The following NCAM2 variants were observed in gnomAD, a reference collection of about 807,000 sequenced individuals.
NCAM2 encodes neural cell adhesion molecule 2.
In NCAM2, 30 loss-of-function variants were observed where a neutral mutation model predicts 98.1. The observed-to-expected ratio is 0.31, with a 90% CI of 0.23 to 0.41. NCAM2 has a LOEUF of 0.41. Ranked by LOEUF, NCAM2 falls within the 10% of genes least tolerant of loss-of-function variation. The pLI, the probability that NCAM2 is intolerant of heterozygous loss-of-function variation, is 1.00. For missense variants in NCAM2, 867 were observed against 1,005.8 expected (o/e 0.86, Z 1.87); for synonymous variants, 368 against 342.4 (o/e 1.07, Z -0.83).
At chr21:21,000,465 G>A (rs1222427928) in intron 1 of NCAM2, among the ~76,000 whole-genome samples, 1 of 152,108 alleles carries the variant, frequency 6.6e-6, no homozygotes, top group Admixed American at 6.5e-5. Context: ...AGATATATAG[G>A]TTTAAATAGT....
intron 1 of NCAM2, among the ~76,000 whole-genome samples, chr21:21,195,801 TGTTA>T (rs1273813134): frequency 3.9e-5 from 6 of 152,166 alleles, no homozygotes; most frequent in African/African-American, 1.4e-4. Flanking sequence ...AAAAATGAAA[TGTTA>T]GTCAGACTCT....
chr21:21,366,962 A>G lies in NCAM2; in HGVS notation c.1045-6901A>G, dbSNP rs146004970. On this transcript the variant is annotated intron_variant, in intron 8 of 17. Coordinates refer to ENST00000400546, the MANE Select transcript of NCAM2 (RefSeq NM_004540.5). Reference sequence around the variant, plus strand: ...TCAAAACCTTGAAACAATGCAGTCAATACTTACTAATGACTAGTTGTATGA... The same window carrying G: ...TCAAAACCTTGAAACAATGCAGTCAGTACTTACTAATGACTAGTTGTATGA... Among the ~76,000 whole-genome samples the G allele has an allele frequency of 7.4e-3, 1,130 of 152,174 alleles. 32 individuals carry two copies. The highest frequency in any genetic ancestry group is 0.056 in the Admixed American group (851 of 15,224).
intron 1 of NCAM2, among the ~76,000 whole-genome samples, chr21:21,060,967 C>T (rs1367704189): frequency 6.6e-6 from 1 of 151,964 alleles, no homozygotes; most frequent in East Asian, 1.9e-4. Context: ...AAAGGTGGGC[C>T]TAAAATGAAG....
At chr21:21,200,962 A>G (rs1182339468) in intron 1 of NCAM2, among the ~76,000 whole-genome samples, 3 of 152,082 alleles carry the variant, frequency 2.0e-5, no homozygotes, top group Admixed American at 2.0e-4. Context: ...ATCAGAGTGC[A>G]TATTAATGAG....
intron 1 of NCAM2, among the ~76,000 whole-genome samples, chr21:21,225,854 A>G (rs376191832): frequency 6.6e-6 from 1 of 152,080 alleles, no homozygotes; most frequent in South Asian, 2.1e-4. Flanking sequence ...AAATTATTCT[A>G]CCAAAAAGAA....
chr21:21,505,662 T>C (rs1423785359), intron 15 of NCAM2, among the ~76,000 whole-genome samples: 2 of 152,068 alleles, frequency 1.3e-5, no homozygotes, highest in Admixed American at 1.3e-4. Flanking sequence ...TCTTCCACTT[T>C]AGATTACTGC....
intron 1 of NCAM2, among the ~76,000 whole-genome samples, chr21:21,186,077 C>T (rs1211733227): frequency 1.3e-5 from 2 of 151,958 alleles, no homozygotes; most frequent in Non-Finnish European, 2.9e-5. Context: ...AGAGAAGTAA[C>T]TTTATAATGC....
At chr21:21,129,343 C>T (rs1820727745) in intron 1 of NCAM2, among the ~76,000 whole-genome samples, 1 of 152,002 alleles carries the variant, frequency 6.6e-6, no homozygotes, top group African/African-American at 2.4e-5. Flanking sequence ...GTCAACACAT[C>T]CAAATGTCTT....
chr21:21,216,343 T>C (rs1364003606), intron 1 of NCAM2, among the ~76,000 whole-genome samples: 1 of 152,146 alleles, frequency 6.6e-6, no homozygotes, highest in Non-Finnish European at 1.5e-5. Flanking sequence ...AGATGTAGGG[T>C]ACTGCTGTGT....
chr21:21,534,341 T>G (rs1033469925), intron 16 of NCAM2, among the ~76,000 whole-genome samples, 196 bp from the exon 17 acceptor site: 1 of 152,078 alleles, frequency 6.6e-6, no homozygotes, highest in African/African-American at 2.4e-5. Context: ...AAATGGAATT[T>G]CTTCCTTTTT....
intron 1 of NCAM2, among the ~76,000 whole-genome samples, chr21:21,118,264 G>A (rs1023091415): frequency 6.6e-6 from 1 of 152,142 alleles, no homozygotes; most frequent in Non-Finnish European, 1.5e-5. Flanking sequence ...CTAGGCATAG[G>A]CGTACAAGTC....
chr21:21,480,384 A>AAAAAAAG (rs1393271611), intron 15 of NCAM2, among the ~76,000 whole-genome samples: 2 of 151,104 alleles, frequency 1.3e-5, no homozygotes, highest in African/African-American at 4.9e-5. Context: ...AAAAAAAAAA[A>AAAAAAAG]AAAGAATAAC....
intron 1 of NCAM2, among the ~76,000 whole-genome samples, chr21:21,174,339 C>T (rs1299244027): frequency 2.0e-5 from 3 of 152,042 alleles, no homozygotes; most frequent in Admixed American, 6.6e-5. Flanking sequence ...TTTAAATTTC[C>T]GATATGTGAT....
intron 1 of NCAM2, among the ~76,000 whole-genome samples, chr21:21,174,065 G>C (rs1011651165): frequency 6.6e-6 from 1 of 152,142 alleles, no homozygotes; most frequent in Middle Eastern, 3.4e-3. Context: ...CTGTGATTAC[G>C]AGCGTGCGCC....
chr21:21,266,733 AG>A (rs965518374), intron 1 of NCAM2, among the ~76,000 whole-genome samples: 48 of 147,718 alleles, frequency 3.2e-4, no homozygotes, highest in Non-Finnish European at 5.5e-4. Flanking sequence ...GGGTGGGTGG[AG>A]GGGGGAGGGA....
intron 15 of NCAM2, among the ~76,000 whole-genome samples, chr21:21,479,736 A>C (rs951190266): frequency 1.3e-4 from 20 of 150,924 alleles, no homozygotes; most frequent in African/African-American, 4.2e-4. Context: ...CTCTCTATAT[A>C]TATATATTTT....
chr21:21,520,858 A>C (rs996968321), intron 16 of NCAM2, among the ~76,000 whole-genome samples: 2 of 151,856 alleles, frequency 1.3e-5, no homozygotes, highest in African/African-American at 4.9e-5. Context: ...ATGTGGACAA[A>C]TCTGTGAGTT....
At chr21:21,222,452 A>G (rs2070208406) in intron 1 of NCAM2, among the ~76,000 whole-genome samples, 1 of 152,194 alleles carries the variant, frequency 6.6e-6, no homozygotes, top group Non-Finnish European at 1.5e-5. Flanking sequence ...TTTGTAATGC[A>G]TGGGAAGAAG....
chr21:21,501,142 C>T (rs1285822351), intron 15 of NCAM2, among the ~76,000 whole-genome samples: 2 of 151,964 alleles, frequency 1.3e-5, no homozygotes, highest in South Asian at 4.1e-4. Flanking sequence ...TGCCACAAAA[C>T]AAACATTTAA....
Sources: gnomAD v4.1 joint callset for allele counts (sites outside exome capture counted in the v4.1 genomes callset) on GRCh38, gnomAD v4.1.1 for gene constraint, MANE v1.5 for transcripts, NCBI Gene and HGNC (gene_info 2026-07-23, HGNC 2026-07-21) for gene names.